SP140: variants seen among roughly 807,000 people sequenced by gnomAD.
SP140 encodes SP140 nuclear body protein.
In SP140, 81 loss-of-function variants were observed where a neutral mutation model predicts 125.0. The observed-to-expected ratio is 0.65, with a 90% CI of 0.54 to 0.78. The LOEUF is 0.78. Ranked by LOEUF, SP140 falls within the 30% of genes least tolerant of loss-of-function variation. The pLI is 0.00. For missense variants in SP140, 858 were observed against 1,037.0 expected (o/e 0.83, Z 2.37); for synonymous variants, 312 against 354.0 (o/e 0.88, Z 1.33).
intron 3 of SP140, chr2:230,214,946 T>C: frequency 6.2e-7 from 1 of 1,613,476 alleles, no homozygotes; most frequent in Non-Finnish European, 8.5e-7. Flanking sequence ...AGAAATCTCA[T>C]TACCACGTTT....
intron 12 of SP140, among the ~76,000 whole-genome samples, chr2:230,259,505 C>T (rs371441782): frequency 5.1e-4 from 75 of 148,372 alleles, no homozygotes; most frequent in African/African-American, 1.8e-3. Context: ...TGGCAAAACC[C>T]CGCCTCCGCT....
In SP140 at chr2:230,216,783, T is replaced by C. The variant is rs766140257; in HGVS notation, c.-91+2709T>C. 11 of 1,613,914 alleles carry C rather than the reference T, an allele frequency of 6.8e-6. No individual in the cohort carries two copies. In the Middle Eastern group the frequency reaches 1.5e-3, roughly 220 times the overall value. On this transcript the variant is annotated intron_variant, in intron 3 of 4. Transcript: ENST00000456542. ...TGGAAGGGTTCAACATGACTCACCATGTACATTCTCTTAGTGATGATGGAG... is the reference window on the plus strand; with the variant it reads ...TGGAAGGGTTCAACATGACTCACCACGTACATTCTCTTAGTGATGATGGAG...
chr2:230,213,452 G>A (rs1482714361), intron 1 of SP140, among the ~76,000 whole-genome samples: 1 of 152,096 alleles, frequency 6.6e-6, no homozygotes, highest in Non-Finnish European at 1.5e-5. Flanking sequence ...TCCTTAGCAG[G>A]GTGTATTAGG....
chr2:230,217,438 G>C (rs920278122), intron 3 of SP140, among the ~76,000 whole-genome samples: 73 of 152,250 alleles, frequency 4.8e-4, no homozygotes, highest in African/African-American at 1.5e-3. Flanking sequence ...TGGAGGCTGA[G>C]AGTGACTGAA....
chr2:230,220,884 AC>A (rs2045756828), upstream of SP140, among the ~76,000 whole-genome samples: 2 of 152,080 alleles, frequency 1.3e-5, no homozygotes, highest in Admixed American at 1.3e-4. Context: ...GGTGGCATGC[AC>A]CTTGTAGTCC....
chr2:230,267,399 A>C (rs913049696), intron 12 of SP140, among the ~76,000 whole-genome samples: 5 of 152,198 alleles, frequency 3.3e-5, no homozygotes, highest in African/African-American at 9.7e-5. Flanking sequence ...ATAGATCCCT[A>C]CCTATTACAT....
intron 1 of SP140, 115 bp from the exon 2 acceptor site, chr2:230,236,968 T>C: frequency 1.4e-6 from 1 of 702,488 alleles, no homozygotes; most frequent in Non-Finnish European, 2.3e-6. Context: ...ACAAGAATGC[T>C]TATTTTATAC....
upstream of SP140, among the ~76,000 whole-genome samples, chr2:230,223,137 A>G (rs892741268): frequency 1.3e-5 from 2 of 151,744 alleles, no homozygotes; most frequent in African/African-American, 4.8e-5. Flanking sequence ...CCCAGGTTCA[A>G]GTGATTCTCT....
Position 230,237,058 on chromosome 2 carries a change from T to C in SP140, c.60-25T>C. The C allele has an allele frequency of 6.5e-7, 1 of 1,541,442 alleles. No homozygotes were observed. Among genetic ancestry groups the C allele is most frequent in the Non-Finnish European group, 8.7e-7 (1 of 1,146,492 alleles). On this transcript the variant is annotated intron_variant, in intron 1 of 26. Coordinates refer to ENST00000392045, the MANE Select transcript of SP140 (RefSeq NM_007237.5). The surrounding 1 kb of genome is among the most constrained non-coding windows in gnomAD (Gnocchi z 5.4). The stretch of plus-strand genomic sequence containing the variant: ...ACCTCTTGGAAACTCAGTGTCTACT[T>C]CCACGTTGTATCTTTGTTTCTTAGG...
At chr2:230,309,386 C>G (rs190963937) in intron 22 of SP140, among the ~76,000 whole-genome samples, 12,227 of 152,224 alleles carry the variant, frequency 0.08, 653 homozygotes, top group Middle Eastern at 0.13. Context: ...GGTCCTTCCC[C>G]CTCAGAGGTC....
Position 230,295,960 on chromosome 2 carries a change from C to T in SP140, c.2017-1461C>T, listed in dbSNP as rs2057675187. The stretch of plus-strand genomic sequence containing the variant: ...ATTGACCTCAAAAATTATTTCAGGC[C>T]AAACATGGTCACTTGAGCCTATAAT... On this transcript the variant is annotated intron_variant, in intron 21 of 26. Transcript: ENST00000392045. Among the ~76,000 whole-genome samples, 5 of 151,940 alleles carry T rather than the reference C, an allele frequency of 3.3e-5. No individual in the cohort carries two copies. In the South Asian group the frequency reaches 1.0e-3, roughly 32 times the overall value.
At chr2:230,249,989 A>G (rs555661774) in intron 9 of SP140, among the ~76,000 whole-genome samples, 1 of 152,298 alleles carries the variant, frequency 6.6e-6, no homozygotes, top group South Asian at 2.1e-4. Flanking sequence ...CTGCTTTCCA[A>G]GCTCTTCCAT....
At chr2:230,301,111 T>C (rs924166248) in intron 22 of SP140, among the ~76,000 whole-genome samples, 4 of 152,146 alleles carry the variant, frequency 2.6e-5, no homozygotes, top group African/African-American at 7.2e-5. Flanking sequence ...AAAAGAACTT[T>C]TTAAAAATGA....
At position 230,245,846 on chromosome 2, in the gene SP140, C is replaced by A. The variant is rs760007511; in HGVS notation, c.665-17C>A. ...GTCACTGCCAATTGTCTGTCATGTT[C>A]CTCTTTCACTCTGCAGTGTCCTGTA... On this transcript the variant is annotated splice_polypyrimidine_tract_variant and intron_variant, in intron 6 of 26. Transcript: ENST00000392045. 1.3e-6 allele frequency: 2 copies of A among 1,555,256 alleles called. No homozygotes were observed. Among genetic ancestry groups the A allele is most frequent in the Non-Finnish European group, 1.8e-6 (2 of 1,126,444 alleles).
upstream of SP140, among the ~76,000 whole-genome samples, chr2:230,223,701 T>G (rs1335927659): frequency 6.6e-6 from 1 of 152,218 alleles, no homozygotes; most frequent in African/African-American, 2.4e-5. Flanking sequence ...TCAGGAATTT[T>G]GGAGTTGTGG....
intron 3 of SP140, chr2:230,214,855 G>A: frequency 4.9e-6 from 5 of 1,010,722 alleles, no homozygotes; most frequent in South Asian, 3.9e-5. Flanking sequence ...AGAAGGCGGG[G>A]GATTAACGTG....
At chr2:230,301,063 G>A (rs970851199) in intron 22 of SP140, among the ~76,000 whole-genome samples, 4 of 152,138 alleles carry the variant, frequency 2.6e-5, no homozygotes, top group Admixed American at 6.5e-5. Context: ...TACAGAACTC[G>A]AAGACAAGGC....
At chr2:230,271,009 T>G (rs2053842859) in intron 15 of SP140, among the ~76,000 whole-genome samples, 1 of 152,084 alleles carries the variant, frequency 6.6e-6, no homozygotes, top group African/African-American at 2.4e-5. Context: ...GCTTTGAAGA[T>G]GGAAGAAGGG....
intron 1 of SP140, among the ~76,000 whole-genome samples, chr2:230,206,595 TTATATATA>T (rs56817002): frequency 0.047 from 3,297 of 70,370 alleles, 170 homozygotes; most frequent in Admixed American, 0.066. Flanking sequence ...GGTCCAGATT[TTATATATA>T]TATATATATA....
Sources: gnomAD v4.1 joint callset for allele counts (sites outside exome capture counted in the v4.1 genomes callset) on GRCh38, gnomAD v4.1.1 for gene constraint, Gnocchi (gnomAD v3.1) non-coding constraint, MANE v1.5 for transcripts, NCBI Gene and HGNC (gene_info 2026-07-23, HGNC 2026-07-21) for gene names.